Variants in STK32B observed in about 807,000 individuals in gnomAD.
STK32B encodes serine/threonine-protein kinase 32B.
Under a neutral mutation model 52.6 loss-of-function variants are expected in STK32B, and 43 were observed. That is an observed-to-expected ratio of 0.82 (90% CI 0.64 to 1.05). The LOEUF is 1.05. Ranked by LOEUF, STK32B falls within the 50% of genes least tolerant of loss-of-function variation. The pLI is 0.00. For missense variants in STK32B, 621 were observed against 534.6 expected (o/e 1.16, Z -1.59); for synonymous variants, 238 against 204.3 (o/e 1.17, Z -1.41).
intron 1 of STK32B, among the ~76,000 whole-genome samples, chr4:5,126,655 CG>C (rs1224081378): frequency 6.6e-6 from 1 of 152,222 alleles, no homozygotes; most frequent in Non-Finnish European, 1.5e-5. Flanking sequence ...GAGCTGACAG[CG>C]CCAGGTGAGA....
chr4:5,272,071 C>G (rs1158779708), intron 3 of STK32B, among the ~76,000 whole-genome samples: 2,605 of 145,754 alleles, frequency 0.018, 67 homozygotes, highest in African/African-American at 0.061. Flanking sequence ...GAGGGCATCC[C>G]TGTCTTGTGC....
intron 4 of STK32B, among the ~76,000 whole-genome samples, chr4:5,333,560 G>A (rs1011109724): frequency 1.1e-4 from 16 of 152,190 alleles, no homozygotes; most frequent in East Asian, 5.8e-4. Flanking sequence ...CCATGCCTAT[G>A]TCCTGAATGG....
At chr4:5,476,903 C>T (rs1021056803) in intron 11 of STK32B, among the ~76,000 whole-genome samples, 20 of 151,638 alleles carry the variant, frequency 1.3e-4, no homozygotes, top group Non-Finnish European at 2.1e-4. Context: ...CAAGGGATGC[C>T]GCCACCAGAT....
chr4:5,246,056 G>A (rs1215435119), intron 3 of STK32B, among the ~76,000 whole-genome samples: 1 of 152,080 alleles, frequency 6.6e-6, no homozygotes, highest in Admixed American at 6.6e-5. Flanking sequence ...GTGTCTTGGA[G>A]TTGCTCTTCT....
At chr4:5,357,054 C>G (rs987138267) in intron 4 of STK32B, among the ~76,000 whole-genome samples, 1 of 144,540 alleles carries the variant, frequency 6.9e-6, no homozygotes, top group Non-Finnish European at 1.5e-5. Context: ...TATACACACA[C>G]ACATATATAC....
intron 9 of STK32B, among the ~76,000 whole-genome samples, chr4:5,465,496 C>G (rs1446193108): frequency 6.6e-6 from 1 of 152,128 alleles, no homozygotes; most frequent in Non-Finnish European, 1.5e-5. Flanking sequence ...AAGACCCTTT[C>G]TTGTAAATTG....
intron 3 of STK32B, among the ~76,000 whole-genome samples, chr4:5,174,051 T>A (rs939440936): frequency 6.6e-6 from 1 of 152,218 alleles, no homozygotes; most frequent in Non-Finnish European, 1.5e-5. Flanking sequence ...TTTACCATTA[T>A]GTAATGGCCT....
At chr4:5,106,517 G>A (rs951507730) in intron 1 of STK32B, among the ~76,000 whole-genome samples, 1 of 152,116 alleles carries the variant, frequency 6.6e-6, no homozygotes, top group South Asian at 2.1e-4. Flanking sequence ...ATAGATTTTT[G>A]CAGAGGTGTG....
intron 2 of STK32B, among the ~76,000 whole-genome samples, chr4:5,157,419 G>A (rs1379713794): frequency 6.6e-6 from 1 of 152,148 alleles, no homozygotes; most frequent in Non-Finnish European, 1.5e-5. Flanking sequence ...GATGATAGCT[G>A]CTCTGCAGAA....
chr4:5,180,315 A>C (rs545795020), intron 3 of STK32B, among the ~76,000 whole-genome samples: 43 of 152,226 alleles, frequency 2.8e-4, no homozygotes, highest in Non-Finnish European at 5.1e-4. Flanking sequence ...TCTCCTGGGC[A>C]CTTGATATGT....
chr4:5,234,686 G>T (rs1185199582), intron 3 of STK32B, among the ~76,000 whole-genome samples: 1 of 152,212 alleles, frequency 6.6e-6, no homozygotes, highest in South Asian at 2.1e-4. Flanking sequence ...ACGTTTACCT[G>T]TGCTTTCGTG....
intron 3 of STK32B, among the ~76,000 whole-genome samples, chr4:5,313,373 A>C (rs1474293423): frequency 6.6e-6 from 1 of 152,022 alleles, no homozygotes; most frequent in Non-Finnish European, 1.5e-5. Flanking sequence ...GGCAACTAGA[A>C]AAAGAGGGTA....
chr4:5,107,492 C>G (rs993032713), intron 1 of STK32B, among the ~76,000 whole-genome samples: 3 of 152,110 alleles, frequency 2.0e-5, no homozygotes, highest in Non-Finnish European at 4.4e-5. Flanking sequence ...AGGGATTGAT[C>G]AGGGAGTTAG....
intron 3 of STK32B, among the ~76,000 whole-genome samples, chr4:5,287,533 A>G (rs866280620): frequency 9.9e-5 from 15 of 152,184 alleles, no homozygotes; most frequent in Admixed American, 4.6e-4. Flanking sequence ...ACAATTTAAA[A>G]GATGGACATG....
chr4:5,462,745 G>A (rs1410746907), intron 9 of STK32B, among the ~76,000 whole-genome samples: 1 of 152,138 alleles, frequency 6.6e-6, no homozygotes, highest in Non-Finnish European at 1.5e-5. Context: ...GTACAGTGTT[G>A]AGCAGCACCC....
At chr4:5,480,825 A>T (rs535866005) in intron 11 of STK32B, among the ~76,000 whole-genome samples, 2 of 151,784 alleles carry the variant, frequency 1.3e-5, no homozygotes, top group African/African-American at 2.4e-5. Context: ...CAGTGATAAC[A>T]TGCGGTGTTT....
chr4:5,415,856 A>T (rs953811514), intron 5 of STK32B, among the ~76,000 whole-genome samples: 1 of 152,000 alleles, frequency 6.6e-6, no homozygotes, highest in Admixed American at 6.6e-5. Flanking sequence ...GCTTCTCAGC[A>T]TGCCTCAATG....
At chr4:5,223,680 G>A (rs1285967284) in intron 3 of STK32B, among the ~76,000 whole-genome samples, 2 of 152,018 alleles carry the variant, frequency 1.3e-5, no homozygotes, top group Non-Finnish European at 2.9e-5. Flanking sequence ...AGCCAGGCGT[G>A]GTGGTGGACA....
rs1347242822 is a variant in STK32B, at chr4:5,460,220, G to T, written c.901G>T (p.Val301Leu). Residue 301 changes from valine to leucine, a missense_variant, in exon 9 of 12, where the codon GTG becomes TTG. Transcript: ENST00000282908. This position sits in a 1 kb window ranked among gnomAD's most constrained non-coding sequence, Gnocchi z 4.8. ...CAAGAAGGCACTGATGCCCGGCTTT[G>T]TGCCCAATGTGAGTGGAAGTCCCAC... ...VFKKALMPGFVPNKGRLNCDP... is the reference protein window; with the variant it reads ...VFKKALMPGFLPNKGRLNCDP... 1 of 1,611,370 alleles carries T rather than the reference G, an allele frequency of 6.2e-7. No homozygotes were observed. The highest frequency in any genetic ancestry group is 8.5e-7 in the Non-Finnish European group (1 of 1,178,632).
Sources: allele counts gnomAD v4.1 joint callset (sites outside exome capture counted in the v4.1 genomes callset), GRCh38; gene constraint gnomAD v4.1.1; non-coding constraint Gnocchi (gnomAD v3.1); transcripts MANE v1.5; gene names NCBI Gene and HGNC (gene_info 2026-07-23, HGNC 2026-07-21).